The following RPH3A variants were observed in gnomAD, a reference collection of about 807,000 sequenced individuals.
The protein encoded by RPH3A is rabphilin 3A, also known as rabphilin-3A.
RPH3A carries 48 observed loss-of-function variants against 102.2 expected under a neutral mutation model. The ratio of observed to expected loss-of-function variants is 0.47; its 90% CI spans 0.37 to 0.60. RPH3A has a LOEUF of 0.60. Among genes scored for constraint, RPH3A ranks in the 20% least tolerant of loss-of-function variants. The probability of loss-of-function intolerance (pLI) is 0.00; values close to 1 mark genes in which losing one functional copy is unlikely to be tolerated. For synonymous variants in RPH3A, 310 were observed against 324.3 expected (o/e 0.96, Z 0.47); for missense variants, 781 against 910.1 (o/e 0.86, Z 1.83).
intron 1 of RPH3A, among the ~76,000 whole-genome samples, chr12:112,736,313 G>T (rs972829001): frequency 3.3e-5 from 5 of 152,178 alleles, no homozygotes; most frequent in Non-Finnish European, 2.9e-5. Flanking sequence ...GAGAACCATT[G>T]CTTAGCCAGT....
intron 4 of RPH3A, among the ~76,000 whole-genome samples, chr12:112,841,173 T>A (rs1414214266): frequency 3.0e-4 from 10 of 33,356 alleles, no homozygotes; most frequent in Non-Finnish European, 4.1e-4. Flanking sequence ...CCTTGTTTCT[T>A]AAAAAAAAAA....
chr12:112,847,791 G>A lies in RPH3A; in HGVS notation c.179G>A (p.Arg60Lys). ...GATGAGGAGAAAGAAATCATCAACA[G>A]GGTGATTGCTCGAGCTGAGAAAATG... Reference protein sequence around the residue: ...LTDEEKEIINRVIARAEKMEE... With the variant: ...LTDEEKEIINKVIARAEKMEE... Residue 60 changes from arginine to lysine, a missense_variant, in exon 5 of 22, where the codon AGG (arginine) becomes AAG (lysine). By Grantham distance (26) the Arg-to-Lys change is conservative (BLOSUM62 2). Coordinates refer to ENST00000389385, the MANE Select transcript of RPH3A (RefSeq NM_001143854.2). 1 of 1,614,198 alleles carries A rather than the reference G, an allele frequency of 6.2e-7. No individual in the cohort carries two copies. Among genetic ancestry groups the A allele is most frequent in the Non-Finnish European group, 8.5e-7 (1 of 1,180,014 alleles).
Position 112,894,560 on chromosome 12 carries a change from T to C in RPH3A, c.1776-18T>C. ...TCATTAAACGTCATCCATAATAGCA[T>C]GTTGTGTCGCCTCCCAGCTGGCTGA... On this transcript the variant is annotated intron_variant, in intron 19 of 21. Transcript: ENST00000389385. 2 of 1,612,658 alleles carry C rather than the reference T, an allele frequency of 1.2e-6. No homozygotes were observed. Among genetic ancestry groups the C allele is most frequent in the Non-Finnish European group, 1.7e-6 (2 of 1,179,118 alleles).
intron 19 of RPH3A, 189 bp from the exon 20 acceptor site, chr12:112,894,389 T>A (rs781715774): frequency 1.1e-5 from 7 of 610,806 alleles, no homozygotes; most frequent in Non-Finnish European, 2.0e-5. Flanking sequence ...GGGGATTAAA[T>A]ATGCCTAAGT....
chr12:112,767,180 G>A (rs949941518), intron 1 of RPH3A, among the ~76,000 whole-genome samples: 1 of 152,152 alleles, frequency 6.6e-6, no homozygotes, highest in African/African-American at 2.4e-5. Context: ...GTGGCCCAGA[G>A]AACTTTTTAA....
At chr12:112,867,662 T>C (rs2042634726) in intron 7 of RPH3A, among the ~76,000 whole-genome samples, 2 of 152,214 alleles carry the variant, frequency 1.3e-5, no homozygotes, top group Non-Finnish European at 2.9e-5. Flanking sequence ...GAAAGGAAGA[T>C]AGGTGTAGCC....
rs552442269 is a variant in RPH3A, at chr12:112,647,328, T to C, written c.-140+72009T>C. 2.0e-5 allele frequency among the ~76,000 whole-genome samples: 3 copies of C among 152,316 alleles called. No homozygotes were observed. In the East Asian group the frequency reaches 5.8e-4, roughly 29 times the overall value. ...CCATGTGACCCTGAGCGAGTCTCTC[T>C]ATGCCTCAGTTTCATAATCTGTACA... On this transcript the variant is annotated intron_variant, in intron 1 of 21. Transcript: ENST00000543106.
intron 1 of RPH3A, among the ~76,000 whole-genome samples, chr12:112,590,683 T>C (rs1225983986): frequency 1.3e-5 from 2 of 152,252 alleles, no homozygotes; most frequent in African/African-American, 2.4e-5. Flanking sequence ...TTTGAAATAA[T>C]TTTATTTAAT....
At chr12:112,687,771 G>A (rs2040277068) in intron 1 of RPH3A, among the ~76,000 whole-genome samples, 1 of 152,148 alleles carries the variant, frequency 6.6e-6, no homozygotes, top group Admixed American at 6.5e-5. Flanking sequence ...GACACTAGGT[G>A]ACCTCAGACT....
intron 1 of RPH3A, among the ~76,000 whole-genome samples, chr12:112,723,566 A>G (rs918243533): frequency 2.0e-5 from 3 of 152,236 alleles, no homozygotes; most frequent in African/African-American, 7.2e-5. Context: ...AGCACTTCCA[A>G]CATCACTAAT....
At chr12:112,601,085 C>CT (rs2039555455) in intron 1 of RPH3A, among the ~76,000 whole-genome samples, 1 of 152,168 alleles carries the variant, frequency 6.6e-6, no homozygotes. Flanking sequence ...TGGTCCTGCC[C>CT]TTGACACGTG....
intron 1 of RPH3A, among the ~76,000 whole-genome samples, chr12:112,645,233 AT>A (rs1566240440): frequency 2.6e-5 from 4 of 152,110 alleles, no homozygotes; most frequent in African/African-American, 9.7e-5. Flanking sequence ...GCCACCCTGG[AT>A]TTTTTCCCCC....
At chr12:112,674,629 A>G (rs542671481) in intron 1 of RPH3A, among the ~76,000 whole-genome samples, 1 of 151,932 alleles carries the variant, frequency 6.6e-6, no homozygotes, top group East Asian at 1.9e-4. Flanking sequence ...CTCCCAGGCT[A>G]CCTCCTCCCC....
Position 112,827,909 on chromosome 12 carries a change from G to GA in RPH3A, c.-18-382dup, listed in dbSNP as rs5800969. Among the ~76,000 whole-genome samples the GA allele has an allele frequency of 3.2e-3, 476 of 149,934 alleles. 5 individuals are homozygous for GA. Among genetic ancestry groups the GA allele is most frequent in the Middle Eastern group, 0.01 (3 of 290 alleles). ...ACTTAAGTATAATAAAAAAAAAAGG[G>GA]AAAAAAAAAAGGCAGGGATGACTCC... On this transcript the variant is annotated intron_variant, in intron 2 of 21. Coordinates refer to ENST00000389385, the MANE Select transcript of RPH3A (RefSeq NM_001143854.2).
At chr12:112,895,661 G>A in intron 20 of RPH3A, 116 bp from the exon 21 acceptor site, 2 of 659,560 alleles carry the variant, frequency 3.0e-6, no homozygotes, top group Non-Finnish European at 5.5e-6. Context: ...CTTGCTCCCA[G>A]AATGCCAGCT....
At position 112,680,554 on chromosome 12, in the gene RPH3A, A is replaced by G. The variant is rs544312589; in HGVS notation, c.-140+105235A>G. The stretch of plus-strand genomic sequence containing the variant: ...ACAGCTTGAAAGCAGTAGAGCTGGC[A>G]TTTGAACCCAGGCAGTCTGGCCCCA... On this transcript the variant is annotated intron_variant, in intron 1 of 21. Transcript: ENST00000543106. 1.2e-4 allele frequency among the ~76,000 whole-genome samples: 18 copies of G among 152,276 alleles called. 1 individual carries two copies. In the South Asian group the frequency reaches 3.5e-3, roughly 30 times the overall value.
chr12:112,629,755 T>C (rs1413593672), intron 1 of RPH3A, among the ~76,000 whole-genome samples: 1 of 152,094 alleles, frequency 6.6e-6, no homozygotes, highest in Admixed American at 6.6e-5. Flanking sequence ...TCACTTTTAA[T>C]TGGGTCAATA....
chr12:112,885,988 G>A (rs977556083), intron 16 of RPH3A, among the ~76,000 whole-genome samples: 21 of 152,172 alleles, frequency 1.4e-4, no homozygotes, highest in Non-Finnish European at 3.1e-4. Flanking sequence ...TGTCTTTGGA[G>A]ATGCGTTGCC....
At chr12:112,784,413 TG>T (rs1209988078) in intron 1 of RPH3A, among the ~76,000 whole-genome samples, 2 of 152,150 alleles carry the variant, frequency 1.3e-5, no homozygotes, top group African/African-American at 4.8e-5. Context: ...CCCCTAAAAT[TG>T]TTCAAAGACA....
Sources: allele counts gnomAD v4.1 joint callset (sites outside exome capture counted in the v4.1 genomes callset), GRCh38; gene constraint gnomAD v4.1.1; transcripts MANE v1.5; gene names NCBI Gene and HGNC (gene_info 2026-07-23, HGNC 2026-07-21).